GRIA4: variants seen among roughly 807,000 people sequenced by gnomAD.
GRIA4 encodes the protein glutamate ionotropic receptor AMPA type subunit 4, also known as glutamate receptor 4.
Under a neutral mutation model 104.0 loss-of-function variants are expected in GRIA4, and 34 were observed. That is an observed-to-expected ratio of 0.33 (90% CI 0.25 to 0.44). The LOEUF is 0.44. GRIA4 is among the 20% of genes least tolerant of loss of function. The pLI is 1.00. For missense variants in GRIA4, 750 were observed against 1,096.5 expected (o/e 0.68, Z 4.46); for synonymous variants, 386 against 381.9 (o/e 1.01, Z -0.13).
rs914753556 is a variant in GRIA4 at position 105,905,201 on chromosome 11, G to A, written c.1058G>A (p.Arg353Gln). 23 of 1,584,782 alleles carry A rather than the reference G, an allele frequency of 1.5e-5. No homozygotes were observed. The Middle Eastern group carries it at 5.0e-4, about 34-fold the overall frequency. Residue 353 changes from arginine (R) to glutamine (Q), a missense_variant, in exon 9 of 17, where the codon CGA becomes CAA. By Grantham distance (43) the Arg-to-Gln change is conservative. Around this residue, in one of 3 missense-constraint regions of GRIA4, gnomAD observed 410 missense variants for 502.7 expected, o/e 0.82. Coordinates refer to ENST00000282499, the MANE Select transcript of GRIA4 (RefSeq NM_000829.4). ...IDMERTLKQV[R>Q]IQGLTGNVQF... The stretch of plus-strand genomic sequence containing the variant: ...GTGGTTTTCTTTTTCACTTAGGTTC[G>A]AATTCAAGGGCTGACAGGGAATGTT...
intron 3 of GRIA4, among the ~76,000 whole-genome samples, chr11:105,714,449 A>G (rs1028132689): frequency 6.6e-6 from 1 of 152,128 alleles, no homozygotes; most frequent in Non-Finnish European, 1.5e-5. Context: ...AGTCTCCATC[A>G]TAAAATGATA....
intron 4 of GRIA4, among the ~76,000 whole-genome samples, chr11:105,791,369 A>C (rs1229288550): frequency 6.6e-6 from 1 of 152,196 alleles, no homozygotes; most frequent in African/African-American, 2.4e-5. Flanking sequence ...GGTTGGTCTC[A>C]ACAAAAAACA....
intron 4 of GRIA4, among the ~76,000 whole-genome samples, chr11:105,817,187 T>C (rs1943412233): frequency 6.6e-6 from 1 of 151,894 alleles, no homozygotes. Context: ...ATCTATCTTG[T>C]TAGTGTGCCA....
At chr11:105,840,030 T>C (rs952464414) in intron 4 of GRIA4, among the ~76,000 whole-genome samples, 1 of 152,212 alleles carries the variant, frequency 6.6e-6, no homozygotes, top group Non-Finnish European at 1.5e-5. Flanking sequence ...TAGATCCTTC[T>C]AGATTGTTTA....
intron 3 of GRIA4, among the ~76,000 whole-genome samples, chr11:105,668,873 T>C (rs538180362): frequency 6.6e-6 from 1 of 152,000 alleles, no homozygotes; most frequent in Non-Finnish European, 1.5e-5. Flanking sequence ...TAAAAGGTAT[T>C]TAGACATTAA....
chr11:105,966,196 G>A (rs632549), intron 14 of GRIA4: 613,827 of 614,094 alleles, frequency 1, 306,780 homozygotes, highest in East Asian at 1. Flanking sequence ...TACGTATGCA[G>A]TTACTGTCAA....
At chr11:105,881,629 CAA>C (rs34471582) in intron 5 of GRIA4, among the ~76,000 whole-genome samples, 2 of 151,814 alleles carry the variant, frequency 1.3e-5, no homozygotes, top group South Asian at 4.2e-4. Flanking sequence ...CTCCGTCCTC[CAA>C]AAAAGAGTTC....
At chr11:105,884,865 C>A (rs1415632672) in intron 5 of GRIA4, among the ~76,000 whole-genome samples, 1 of 152,180 alleles carries the variant, frequency 6.6e-6, no homozygotes, top group African/African-American at 2.4e-5. Flanking sequence ...ATCTTTTTAA[C>A]ATTTACAAGT....
intron 3 of GRIA4, among the ~76,000 whole-genome samples, chr11:105,688,156 C>CTATATCTATATCTATATCTCTA (rs373564678): frequency 2.1e-4 from 15 of 72,766 alleles, no homozygotes; most frequent in Admixed American, 6.1e-4. Context: ...ATATCTATAT[C>CTATATCTATATCTATATCTCTA]TCTATCTATC....
In GRIA4 at chr11:105,765,531, T is replaced by C. The variant is rs558453849; in HGVS notation, c.487+12311T>C. Among the ~76,000 whole-genome samples the C allele has an allele frequency of 9.2e-5, 14 of 152,284 alleles. No homozygotes were observed. In the South Asian group the frequency reaches 2.9e-3, roughly 32 times the overall value. Reference sequence around the variant, plus strand: ...AACGGATGATGCTGAAGCCCATAGATAGTACCAAGTCTGAGGCTTTGCCTT... The same window carrying C: ...AACGGATGATGCTGAAGCCCATAGACAGTACCAAGTCTGAGGCTTTGCCTT... On this transcript the variant is annotated intron_variant, in intron 4 of 16. Transcript: ENST00000282499.
intron 3 of GRIA4, chr11:105,614,053 A>G (rs1950540798): frequency 6.6e-6 from 1 of 151,832 alleles, no homozygotes; most frequent in Non-Finnish European, 1.5e-5. Flanking sequence ...TTAATACGTA[A>G]ATATTATTTG....
At chr11:105,855,777 T>C (rs1944988350) in intron 4 of GRIA4, among the ~76,000 whole-genome samples, 1 of 152,134 alleles carries the variant, frequency 6.6e-6, no homozygotes, top group Non-Finnish European at 1.5e-5. Context: ...AATCTACAGA[T>C]TGTTTCTAGA....
At chr11:105,876,980 G>A (rs936141745) in intron 5 of GRIA4, among the ~76,000 whole-genome samples, 6 of 152,098 alleles carry the variant, frequency 3.9e-5, no homozygotes, top group East Asian at 3.9e-4. Context: ...TATTTTGCCC[G>A]TTACTTAAAG....
At chr11:105,752,941 T>A (rs759380710) in intron 3 of GRIA4, 40 bp from the exon 4 acceptor site, 1 of 1,581,742 alleles carries the variant, frequency 6.3e-7, no homozygotes, top group South Asian at 1.1e-5. Flanking sequence ...ACAATTTGAG[T>A]GTGCTAATAG....
chr11:105,967,533 G>C (rs1041084125), intron 14 of GRIA4, among the ~76,000 whole-genome samples: 2 of 152,006 alleles, frequency 1.3e-5, no homozygotes, highest in African/African-American at 4.8e-5. Context: ...TTATAGTTAT[G>C]CAGTGACATT....
At chr11:105,945,618 A>G (rs1277893144) in intron 14 of GRIA4, 1 of 176,642 alleles carries the variant, frequency 5.7e-6, no homozygotes, top group Non-Finnish European at 1.1e-5. Context: ...ACCCACCAGC[A>G]TAAGGAAACC....
rs866262005 is a variant in GRIA4, at chr11:105,867,519, C to T, written c.672+5311C>T. On this transcript the variant is annotated intron_variant, in intron 5 of 16. Transcript: ENST00000282499. ...AAATCTAGAACTCTGTCAGTTCCCCCGGACTCCCAAAAAGTCTCTATATTG... is the reference window on the plus strand; with the variant it reads ...AAATCTAGAACTCTGTCAGTTCCCCTGGACTCCCAAAAAGTCTCTATATTG... Among the ~76,000 whole-genome samples the T allele has an allele frequency of 3.9e-5, 6 of 152,092 alleles. No individual in the cohort carries two copies. In the South Asian group the frequency reaches 6.2e-4, roughly 16 times the overall value.
At chr11:105,668,452 T>A (rs1355730837) in intron 3 of GRIA4, among the ~76,000 whole-genome samples, 1 of 151,198 alleles carries the variant, frequency 6.6e-6, no homozygotes, top group African/African-American at 2.4e-5. Flanking sequence ...AATACTACAA[T>A]AAACATGGAA....
chr11:105,907,334 T>A (rs1338213326), intron 9 of GRIA4, among the ~76,000 whole-genome samples: 1 of 151,932 alleles, frequency 6.6e-6, no homozygotes, highest in Non-Finnish European at 1.5e-5. Context: ...CTTTTTTCCA[T>A]GGCAACGATC....
Sources: gnomAD v4.1 joint callset for allele counts (sites outside exome capture counted in the v4.1 genomes callset) on GRCh38, gnomAD v4.1.1 for gene constraint, gnomAD v4.1.1 regional missense constraint, MANE v1.5 for transcripts, NCBI Gene and HGNC (gene_info 2026-07-23, HGNC 2026-07-21) for gene names.